Variants in TBC1D12 observed in about 807,000 individuals in gnomAD.
The protein encoded by TBC1D12 is TBC1 domain family member 12.
TBC1D12 carries 56 observed loss-of-function variants against 86.7 expected under a neutral mutation model. That is an observed-to-expected ratio of 0.65 (90% CI 0.52 to 0.81). The LOEUF is 0.81. TBC1D12 is among the 30% of genes least tolerant of loss of function. The pLI is 0.00. For missense variants in TBC1D12, 1,023 were observed against 1,038.8 expected (o/e 0.98, Z 0.21); for synonymous variants, 421 against 411.7 (o/e 1.02, Z -0.27).
At chr10:94,444,462 C>T (rs17518932) in intron 2 of TBC1D12, among the ~76,000 whole-genome samples, 9,322 of 152,042 alleles carry the variant, frequency 0.061, 414 homozygotes, top group Middle Eastern at 0.096. Flanking sequence ...AGTAACGTCT[C>T]TCGTCTAGAA....
intron 1 of TBC1D12, among the ~76,000 whole-genome samples, chr10:94,432,156 C>A (rs1463568148): frequency 6.6e-6 from 1 of 152,006 alleles, no homozygotes; most frequent in Non-Finnish European, 1.5e-5. Flanking sequence ...GTCTGTCTGT[C>A]GGTCTGTCTT....
rs964513221 is a variant in TBC1D12, at chr10:94,503,845, G to A, written c.1520-3422G>A. ...TTGCCATGTTGGCCAGGCTGGTCTCGAACTCTTGACCTCCAGTGATAGGCC... is the reference window on the plus strand; with the variant it reads ...TTGCCATGTTGGCCAGGCTGGTCTCAAACTCTTGACCTCCAGTGATAGGCC... On this transcript the variant is annotated intron_variant, in intron 6 of 12. Transcript: ENST00000225235. Among the ~76,000 whole-genome samples the A allele has an allele frequency of 1.3e-4, 20 of 152,260 alleles. No homozygotes were observed. The South Asian group carries it at 1.7e-3, about 13-fold the overall frequency.
intron 2 of TBC1D12, among the ~76,000 whole-genome samples, chr10:94,455,727 C>T (rs929868899): frequency 2.6e-5 from 4 of 152,106 alleles, no homozygotes; most frequent in East Asian, 1.9e-4. Flanking sequence ...GTTGGGAGTT[C>T]GAGACCAGCC....
In TBC1D12 at chr10:94,511,668, TC is replaced by T; in HGVS notation, c.1761+16del. 1 of 1,591,030 alleles carries T rather than the reference TC, an allele frequency of 6.3e-7. No individual in the cohort carries two copies. The highest frequency in any genetic ancestry group is 8.6e-7 in the Non-Finnish European group (1 of 1,162,630). On this transcript the variant is annotated intron_variant, in intron 9 of 12. Transcript: ENST00000225235. ...GATGTTGGTTATGTAAGTATTTGTT[TC>T]CATCTGTTTTTTGAATATAAGCATT... is the stretch of plus-strand genomic sequence containing the variant.
chr10:94,439,460 C>G (rs1342695728), intron 1 of TBC1D12, among the ~76,000 whole-genome samples: 1 of 152,102 alleles, frequency 6.6e-6, no homozygotes, highest in Admixed American at 6.6e-5. Context: ...TGGCAGGAAG[C>G]CTTTGGTGGA....
intron 11 of TBC1D12, among the ~76,000 whole-genome samples, chr10:94,523,388 T>C (rs541166978): frequency 9.0e-4 from 137 of 152,170 alleles, no homozygotes; most frequent in African/African-American, 3.2e-3. Context: ...TTGCTATTTA[T>C]TTTATTATTA....
intron 2 of TBC1D12, among the ~76,000 whole-genome samples, chr10:94,448,571 G>T (rs1344288168): frequency 6.6e-6 from 1 of 152,086 alleles, no homozygotes; most frequent in Non-Finnish European, 1.5e-5. Flanking sequence ...TGACCTCCTG[G>T]GTTCAAACGA....
chr10:94,469,847 G>T (rs1231670013), intron 2 of TBC1D12, among the ~76,000 whole-genome samples: 3 of 152,020 alleles, frequency 2.0e-5, no homozygotes, highest in Non-Finnish European at 4.4e-5. Flanking sequence ...GCTTCCTTTG[G>T]GGTCCCCCTT....
rs2055389488 is a variant in TBC1D12 at position 94,442,019 on chromosome 10, G to C, written c.1095G>C (p.Gln365His). Residue 365 changes from glutamine to histidine, a missense_variant and splice_region_variant, in exon 2 of 13, where the codon CAG (glutamine) becomes CAC (histidine). Gln to His is a conservative substitution (Grantham distance 24). This residue lies in a region of TBC1D12 where 395 missense variants were observed against 507.7 expected (regional missense o/e 0.78). Coordinates refer to ENST00000225235, the MANE Select transcript of TBC1D12 (RefSeq NM_015188.2). ...AGAAAACATCCAAAATCATTCAGCA[G>C]GTAAGTACTGACATAGCCATGTAGT... The part of the protein sequence containing the change: ...NLQKTSKIIQ[Q>H]EYEARTGRTC... The C allele has an allele frequency of 6.2e-7, 1 of 1,610,694 alleles. No homozygotes were observed. The highest frequency in any genetic ancestry group is 1.1e-5 in the South Asian group (1 of 90,548).
intron 5 of TBC1D12, among the ~76,000 whole-genome samples, chr10:94,499,329 G>A (rs963966852): frequency 4.0e-5 from 6 of 151,768 alleles, no homozygotes; most frequent in South Asian, 2.1e-4. Flanking sequence ...TTTACTCCCC[G>A]CTCCCCGGCC....
intron 11 of TBC1D12, among the ~76,000 whole-genome samples, chr10:94,525,811 A>AT (rs956577657): frequency 6.7e-6 from 1 of 148,292 alleles, no homozygotes; most frequent in Admixed American, 6.6e-5. Context: ...GTTTTAAAAT[A>AT]TTTTTTTTAG....
At chr10:94,481,905 G>A (rs2056083546) in intron 3 of TBC1D12, among the ~76,000 whole-genome samples, 1 of 152,030 alleles carries the variant, frequency 6.6e-6, no homozygotes, top group Admixed American at 6.6e-5. Flanking sequence ...TCACATCATC[G>A]TAAATGAGGT....
chr10:94,413,345 G>A (rs1167404765), intron 1 of TBC1D12, among the ~76,000 whole-genome samples: 2 of 152,110 alleles, frequency 1.3e-5, no homozygotes, highest in Non-Finnish European at 2.9e-5. Context: ...CTTGTGAAAA[G>A]CTTTAACTTG....
chr10:94,530,933 C>T (rs926008890), intron 11 of TBC1D12, among the ~76,000 whole-genome samples: 11 of 148,004 alleles, frequency 7.4e-5, no homozygotes, highest in Non-Finnish European at 1.5e-4. Context: ...GATCTCAGCT[C>T]GCTGCAACCT....
At chr10:94,531,591 C>T in intron 12 of TBC1D12, 131 bp downstream of exon 12, 3 of 907,316 alleles carry the variant, frequency 3.3e-6, no homozygotes, top group Non-Finnish European at 4.4e-6. Flanking sequence ...TTCTAAGAAG[C>T]AAGAGTTTAA....
Position 94,526,899 on chromosome 10 carries a change from T to A in TBC1D12, c.2001-4303T>A, listed in dbSNP as rs188834532. ...TTGCATCCTTGCCAGCATTTGTTAT[T>A]TTTTGTCTTTTTGATAATAGCTATC... On this transcript the variant is annotated intron_variant, in intron 11 of 12. Coordinates refer to ENST00000225235, the MANE Select transcript of TBC1D12 (RefSeq NM_015188.2). Among the ~76,000 whole-genome samples the A allele has an allele frequency of 1.6e-3, 238 of 152,316 alleles. 1 individual carries two copies. The highest frequency in any genetic ancestry group is 2.7e-3 in the Non-Finnish European group (186 of 68,026).
intron 2 of TBC1D12, among the ~76,000 whole-genome samples, chr10:94,447,218 AAC>A (rs2055479678): frequency 6.6e-6 from 1 of 151,996 alleles, no homozygotes; most frequent in African/African-American, 2.4e-5. Flanking sequence ...GTGTGGAAAA[AAC>A]ACGTAATTAT....
At chr10:94,502,472 A>C (rs1205230706) in intron 6 of TBC1D12, among the ~76,000 whole-genome samples, 1 of 152,180 alleles carries the variant, frequency 6.6e-6, no homozygotes, top group Non-Finnish European at 1.5e-5. Flanking sequence ...CAGGAGGCTG[A>C]GGCGGATAGG....
At chr10:94,459,291 T>C (rs906870149) in intron 2 of TBC1D12, among the ~76,000 whole-genome samples, 1 of 151,986 alleles carries the variant, frequency 6.6e-6, no homozygotes, top group Non-Finnish European at 1.5e-5. Context: ...TTACAAACCT[T>C]GAACTAGACA....
Sources: gnomAD v4.1 joint callset for allele counts (sites outside exome capture counted in the v4.1 genomes callset) on GRCh38, gnomAD v4.1.1 for gene constraint, gnomAD v4.1.1 regional missense constraint, MANE v1.5 for transcripts, NCBI Gene and HGNC (gene_info 2026-07-23, HGNC 2026-07-21) for gene names.